B3GLCT: variants seen among roughly 807,000 people sequenced by gnomAD.
B3GLCT encodes the protein beta 3-glucosyltransferase.
B3GLCT carries 65 observed loss-of-function variants against 63.4 expected under a neutral mutation model. The observed-to-expected ratio is 1.03, with a 90% CI of 0.84 to 1.26. B3GLCT has a LOEUF of 1.26. Ranked by LOEUF, B3GLCT falls within the 50% of genes most tolerant of loss-of-function variation. B3GLCT has a pLI of 0.00. For missense variants in B3GLCT, 577 were observed against 604.8 expected, an observed-to-expected ratio of 0.95 and a Z score of 0.48; for synonymous variants, 233 against 219.2, an observed-to-expected ratio of 1.06 and a Z score of -0.55.
Position 31,293,171 on chromosome 13 carries a change from T to C in B3GLCT, c.1064+6352T>C, listed in dbSNP as rs143556478. 7.8e-3 allele frequency among the ~76,000 whole-genome samples: 1,181 copies of C among 152,142 alleles called. 16 individuals are homozygous for C. The highest frequency in any genetic ancestry group is 0.027 in the African/African-American group (1,119 of 41,562). ...TTGATTTCACTGTAGTCTGAGAGACTGTTATGATTTCTGTTCTTTTACATT... is the reference window on the plus strand; with the variant it reads ...TTGATTTCACTGTAGTCTGAGAGACCGTTATGATTTCTGTTCTTTTACATT... On this transcript the variant is annotated intron_variant, in intron 12 of 14. Coordinates refer to ENST00000343307, the MANE Select transcript of B3GLCT (RefSeq NM_194318.4).
chr13:31,273,982 G>A (rs926338050), intron 8 of B3GLCT, among the ~76,000 whole-genome samples: 41 of 152,170 alleles, frequency 2.7e-4, no homozygotes, highest in Admixed American at 1.4e-3. Flanking sequence ...CCTTGCCAGA[G>A]GTCAGCTGAT....
At chr13:31,212,260 TAA>T (rs1869301665) in intron 1 of B3GLCT, among the ~76,000 whole-genome samples, 1 of 145,762 alleles carries the variant, frequency 6.9e-6, no homozygotes, top group Non-Finnish European at 1.5e-5. Context: ...TGCTCTAGCA[TAA>T]CTGGCTTTTT....
chr13:31,309,827 C>T (rs1874613591), intron 12 of B3GLCT, among the ~76,000 whole-genome samples: 1 of 152,156 alleles, frequency 6.6e-6, no homozygotes, highest in South Asian at 2.1e-4. Context: ...ACAAGAAGCC[C>T]ATGTTCTAAA....
chr13:31,316,203 C>T (rs913926457), intron 12 of B3GLCT, among the ~76,000 whole-genome samples: 4 of 151,584 alleles, frequency 2.6e-5, no homozygotes, highest in Admixed American at 6.6e-5. Flanking sequence ...CCACCATCTT[C>T]CAGACCCCAG....
At chr13:31,233,626 T>C (rs932454282) in intron 4 of B3GLCT, among the ~76,000 whole-genome samples, 3 of 152,180 alleles carry the variant, frequency 2.0e-5, no homozygotes, top group Non-Finnish European at 4.4e-5. Context: ...ATTTTGTACC[T>C]TGCAGTTGTA....
intron 6 of B3GLCT, among the ~76,000 whole-genome samples, chr13:31,258,808 T>C (rs1871871571): frequency 6.6e-6 from 1 of 152,220 alleles, no homozygotes; most frequent in Admixed American, 6.5e-5. Flanking sequence ...TTATAGAGCT[T>C]CCTGAGTCTA....
chr13:31,298,281 G>A (rs1235673572), intron 12 of B3GLCT, among the ~76,000 whole-genome samples: 10 of 152,128 alleles, frequency 6.6e-5, no homozygotes, highest in East Asian at 1.9e-4. Context: ...GCCTACCCTC[G>A]TTCTTCAGAT....
chr13:31,322,138 G>A (rs551734006), intron 13 of B3GLCT, among the ~76,000 whole-genome samples: 1 of 152,258 alleles, frequency 6.6e-6, no homozygotes, highest in Non-Finnish European at 1.5e-5. Flanking sequence ...ATTTAGGTAG[G>A]AAGCTGTGCT....
At chr13:31,209,097 C>T (rs1287707552) in intron 1 of B3GLCT, among the ~76,000 whole-genome samples, 1 of 152,178 alleles carries the variant, frequency 6.6e-6, no homozygotes, top group Non-Finnish European at 1.5e-5. Context: ...ATCCGATGCC[C>T]CTTAAAAAAC....
At chr13:31,275,974 C>A (rs988592263) in intron 9 of B3GLCT, among the ~76,000 whole-genome samples, 1 of 152,084 alleles carries the variant, frequency 6.6e-6, no homozygotes, top group Non-Finnish European at 1.5e-5. Flanking sequence ...ATAAACCAGC[C>A]CCAAATTATA....
intron 12 of B3GLCT, among the ~76,000 whole-genome samples, chr13:31,316,548 T>C (rs1337417103): frequency 1.3e-5 from 2 of 151,166 alleles, no homozygotes; most frequent in East Asian, 3.9e-4. Context: ...GGCCAGGTTT[T>C]GCACTTGCAT....
chr13:31,285,604 TAAAAAAAAAAAAAAAAA>T (rs11339832), intron 11 of B3GLCT, among the ~76,000 whole-genome samples: 1 of 84,242 alleles, frequency 1.2e-5, no homozygotes, highest in Non-Finnish European at 2.3e-5. Context: ...CTTTTATGAG[TAAAAAAAAAAAAAAAAA>T]AAAAAAAAAG....
intron 12 of B3GLCT, among the ~76,000 whole-genome samples, chr13:31,296,120 G>A (rs1398869550): frequency 3.9e-5 from 6 of 152,160 alleles, no homozygotes; most frequent in African/African-American, 7.2e-5. Flanking sequence ...CACTGTTTCT[G>A]CTCGCCCTCT....
chr13:31,283,936 A>G (rs1177763103), intron 10 of B3GLCT, among the ~76,000 whole-genome samples: 1 of 152,228 alleles, frequency 6.6e-6, no homozygotes, highest in African/African-American at 2.4e-5. Flanking sequence ...TAAGTATAGA[A>G]GAAAAGAATT....
At chr13:31,213,696 A>G (rs1869412230) in intron 1 of B3GLCT, among the ~76,000 whole-genome samples, 1 of 143,122 alleles carries the variant, frequency 7.0e-6, no homozygotes, top group Admixed American at 7.5e-5. Context: ...GACATGTAAG[A>G]TAAGTGATAA....
intron 13 of B3GLCT, among the ~76,000 whole-genome samples, chr13:31,319,312 C>A (rs1191744471): frequency 6.6e-6 from 1 of 152,012 alleles, no homozygotes; most frequent in East Asian, 1.9e-4. Flanking sequence ...ATGCCTTCTC[C>A]TTCCTACCCT....
In B3GLCT at chr13:31,258,520, C is replaced by T. The variant is rs1476962339; in HGVS notation, c.460-2426C>T. On this transcript the variant is annotated intron_variant, in intron 6 of 14. Coordinates refer to ENST00000343307, the MANE Select transcript of B3GLCT (RefSeq NM_194318.4). ...CTGTTTCAGTGGTTTCCCATTCCAC[C>T]TAAGATATTTTTGCTGGGTATAGCA... Among the ~76,000 whole-genome samples, 4 of 152,078 alleles carry T rather than the reference C, an allele frequency of 2.6e-5. No individual in the cohort carries two copies. The East Asian group carries it at 5.8e-4, about 22-fold the overall frequency.
intron 2 of B3GLCT, among the ~76,000 whole-genome samples, chr13:31,220,995 A>T (rs1869781412): frequency 1.3e-5 from 2 of 152,198 alleles, no homozygotes; most frequent in African/African-American, 4.8e-5. Flanking sequence ...GTATTTTTTA[A>T]AGCATGCTTC....
At chr13:31,281,088 A>T (rs149220882) in intron 10 of B3GLCT, among the ~76,000 whole-genome samples, 1 of 152,044 alleles carries the variant, frequency 6.6e-6, no homozygotes, top group East Asian at 1.9e-4. Context: ...TCATTTTTCC[A>T]TGCAGTTTGT....
Sources: allele counts gnomAD v4.1 joint callset (sites outside exome capture counted in the v4.1 genomes callset), GRCh38; gene constraint gnomAD v4.1.1; transcripts MANE v1.5; gene names NCBI Gene and HGNC (gene_info 2026-07-23, HGNC 2026-07-21).